TPRG1: variants seen among roughly 807,000 people sequenced by gnomAD.
TPRG1 encodes the protein tumor protein p63-regulated gene 1 protein.
Under a neutral mutation model 29.3 loss-of-function variants are expected in TPRG1, and 29 were observed. That is an observed-to-expected ratio of 0.99 (90% CI 0.74 to 1.35). TPRG1 has a LOEUF of 1.35. Ranked by LOEUF, TPRG1 falls within the 40% of genes most tolerant of loss-of-function variation. The pLI is 0.00. For missense variants in TPRG1, 327 were observed against 335.0 expected, an observed-to-expected ratio of 0.98 and a Z score of 0.19; for synonymous variants, 130 against 116.8, an observed-to-expected ratio of 1.11 and a Z score of -0.73.
intron 2 of TPRG1, among the ~76,000 whole-genome samples, chr3:189,002,720 T>A (rs710501): frequency 6.6e-6 from 1 of 152,138 alleles, no homozygotes; most frequent in Non-Finnish European, 1.5e-5. Context: ...AGACATGACC[T>A]TTCATCTGAT....
At chr3:189,134,095 GTCAAGGTCCCA>G (rs936020322) in intron 3 of TPRG1, among the ~76,000 whole-genome samples, 17 of 152,236 alleles carry the variant, frequency 1.1e-4, no homozygotes, top group African/African-American at 3.9e-4. Context: ...TTTGTTTCCA[GTCAAGGTCCCA>G]GCCCTTGGTC....
rs1339375297 is a variant in TPRG1 at position 189,240,060 on chromosome 3, G to A, written c.479+1151G>A. The stretch of plus-strand genomic sequence containing the variant: ...CACCTGGCATTAGGACTAGCACATA[G>A]TAGGGTCTGAAATCTTTTCAATATA... On this transcript the variant is annotated intron_variant, in intron 4 of 5. Coordinates refer to ENST00000345063, the MANE Select transcript of TPRG1 (RefSeq NM_198485.4). Among the ~76,000 whole-genome samples, 2 of 152,154 alleles carry A rather than the reference G, an allele frequency of 1.3e-5. 1 individual carries two copies. The highest frequency in any genetic ancestry group is 2.9e-5 in the Non-Finnish European group (2 of 68,022).
intron 4 of TPRG1, among the ~76,000 whole-genome samples, chr3:189,093,138 G>A (rs748355803): frequency 1.3e-4 from 20 of 151,706 alleles, no homozygotes; most frequent in Non-Finnish European, 1.5e-5. Flanking sequence ...GAGACAAAGA[G>A]CATGAGAGAA....
chr3:189,044,599 T>C (rs1377477160), intron 4 of TPRG1, among the ~76,000 whole-genome samples: 1 of 150,670 alleles, frequency 6.6e-6, no homozygotes, highest in Non-Finnish European at 1.5e-5. Flanking sequence ...GACAGTTCTG[T>C]ATTTAATATG....
At chr3:189,172,624 G>A (rs1362995261) in intron 1 of TPRG1, among the ~76,000 whole-genome samples, 2 of 152,156 alleles carry the variant, frequency 1.3e-5, no homozygotes, top group Non-Finnish European at 2.9e-5. Context: ...AACAAAAGGT[G>A]ATTATTTCTT....
At chr3:189,075,809 G>A (rs1217103038) in intron 4 of TPRG1, among the ~76,000 whole-genome samples, 3 of 152,058 alleles carry the variant, frequency 2.0e-5, no homozygotes, top group Non-Finnish European at 2.9e-5. Flanking sequence ...TTTTATGCAC[G>A]GGGATAACCC....
intron 4 of TPRG1, among the ~76,000 whole-genome samples, chr3:189,289,373 C>G (rs1718612270): frequency 6.6e-6 from 1 of 151,700 alleles, no homozygotes; most frequent in Non-Finnish European, 1.5e-5. Flanking sequence ...CTAACTCTTT[C>G]TGTTCCTACT....
At position 189,324,373 on chromosome 3, in the gene TPRG1, G is replaced by T. The variant is rs1724550581; in HGVS notation, c.*3553G>T. The T allele has an allele frequency of 6.6e-6, 1 of 152,068 alleles. No homozygotes were observed. Among genetic ancestry groups the T allele is most frequent in the African/African-American group, 2.4e-5 (1 of 41,410 alleles). The allele number at this position is 152,068 out of a possible 1,614,324, so 9.4% of individuals were successfully genotyped here. On this transcript the variant is annotated 3_prime_UTR_variant, in exon 6 of 6. Transcript: ENST00000345063. ...TTCCAATTTCTATCCCTAGCCCACT[G>T]CTCTTTCCAATATAATATCTGTATT...
At chr3:189,075,291 C>T (rs1433163737) in intron 4 of TPRG1, among the ~76,000 whole-genome samples, 2 of 152,052 alleles carry the variant, frequency 1.3e-5, no homozygotes, top group South Asian at 2.1e-4. Flanking sequence ...CACCACCATG[C>T]CCGGCTAATT....
intron 1 of TPRG1, among the ~76,000 whole-genome samples, chr3:189,119,448 G>A (rs941628870): frequency 1.1e-4 from 16 of 152,192 alleles, no homozygotes; most frequent in African/African-American, 3.1e-4. Context: ...GGAGGGGCAC[G>A]ATTGCGTTTT....
chr3:189,052,357 T>A (rs1201869941), intron 4 of TPRG1, among the ~76,000 whole-genome samples: 7 of 152,210 alleles, frequency 4.6e-5, no homozygotes, highest in Non-Finnish European at 8.8e-5. Context: ...ACATCACTGA[T>A]GATCAGGGAA....
chr3:189,186,182 T>G (rs1185567235), intron 1 of TPRG1, among the ~76,000 whole-genome samples: 1 of 152,216 alleles, frequency 6.6e-6, no homozygotes, highest in Non-Finnish European at 1.5e-5. Flanking sequence ...TTTCACTATG[T>G]AAAAAATCCA....
At position 189,145,531 on chromosome 3, in the gene TPRG1, ACTGTTT is replaced by A. The variant is rs540564603; in HGVS notation, c.-290-2050_-290-2045del. Among the ~76,000 whole-genome samples the A allele has an allele frequency of 1.3e-4, 20 of 152,270 alleles. No individual in the cohort carries two copies. The East Asian group carries it at 3.9e-3, about 29-fold the overall frequency. On this transcript the variant is annotated intron_variant, in intron 3 of 6. Transcript: ENST00000412373. ...GTGAAGTAACATTGAACAGAGACTTACTGTTTCTAAGAGTTCAGTTCCATCACCTAT... is the reference window on the plus strand; with the variant it reads ...GTGAAGTAACATTGAACAGAGACTTACTAAGAGTTCAGTTCCATCACCTAT...
intron 3 of TPRG1, among the ~76,000 whole-genome samples, chr3:189,010,364 T>C (rs1712533844): frequency 6.6e-6 from 1 of 152,160 alleles, no homozygotes; most frequent in Non-Finnish European, 1.5e-5. Context: ...CACCACACTA[T>C]TTTCCACAAT....
At chr3:189,206,100 CCTT>C (rs939497842) in intron 1 of TPRG1, among the ~76,000 whole-genome samples, 2 of 135,828 alleles carry the variant, frequency 1.5e-5, no homozygotes, top group Non-Finnish European at 3.2e-5. Context: ...TTCTTTCTTT[CCTT>C]CTTTCTTTCT....
At chr3:189,106,579 G>A (rs527942778) in intron 1 of TPRG1, among the ~76,000 whole-genome samples, 4 of 152,172 alleles carry the variant, frequency 2.6e-5, no homozygotes, top group East Asian at 3.9e-4. Flanking sequence ...TGTTTACTGT[G>A]GAATCCCCAG....
chr3:189,053,219 A>C (rs1041877153), intron 4 of TPRG1, among the ~76,000 whole-genome samples: 1 of 152,172 alleles, frequency 6.6e-6, no homozygotes, highest in African/African-American at 2.4e-5. Context: ...TTTTCTTTAA[A>C]CCTCATGAAC....
At chr3:189,148,074 G>T (rs1456163130) in intron 4 of TPRG1, among the ~76,000 whole-genome samples, 1 of 152,176 alleles carries the variant, frequency 6.6e-6, no homozygotes, top group Non-Finnish European at 1.5e-5. Context: ...TGTGAATTCT[G>T]CCCAGTCAAA....
chr3:189,230,728 C>T (rs572767534), intron 3 of TPRG1, among the ~76,000 whole-genome samples: 30 of 152,240 alleles, frequency 2.0e-4, no homozygotes, highest in African/African-American at 6.3e-4. Flanking sequence ...TTTTGTTCAC[C>T]ATTATACCAC....
Sources: gnomAD v4.1 joint callset for allele counts (sites outside exome capture counted in the v4.1 genomes callset) on GRCh38, gnomAD v4.1.1 for gene constraint, MANE v1.5 for transcripts, NCBI Gene and HGNC (gene_info 2026-07-23, HGNC 2026-07-21) for gene names.